The following NFATC2 variants were observed in gnomAD, a reference collection of about 807,000 sequenced individuals.
NFATC2 encodes the protein nuclear factor of activated T-cells, cytoplasmic 2.
Under a neutral mutation model 87.3 loss-of-function variants are expected in NFATC2, and 22 were observed. That is an observed-to-expected ratio of 0.25 (90% CI 0.18 to 0.36). NFATC2 has a LOEUF of 0.36. Ranked by LOEUF, NFATC2 falls within the 10% of genes least tolerant of loss-of-function variation. The pLI is 1.00. For missense variants in NFATC2, 1,149 were observed against 1,259.1 expected (o/e 0.91, Z 1.32); for synonymous variants, 565 against 542.2 (o/e 1.04, Z -0.58).
In NFATC2 at chr20:51,388,100, A is replaced by G. The variant is rs1050519938; in HGVS notation, c.*3396T>C. 2.6e-5 allele frequency: 4 copies of G among 152,162 alleles called. No individual in the cohort carries two copies. Among genetic ancestry groups the G allele is most frequent in the Non-Finnish European group, 5.9e-5 (4 of 68,024 alleles). The allele number at this position is 152,162 out of a possible 1,614,324, so 9.4% of individuals were successfully genotyped here. Reference sequence around the variant, plus strand: ...GGAAAACTGTGGGTGTCCTTTGGATAAAGCATACAGGAGTTATCTACCAGG... The same window carrying G: ...GGAAAACTGTGGGTGTCCTTTGGATGAAGCATACAGGAGTTATCTACCAGG... On this transcript the variant is annotated 3_prime_UTR_variant, in exon 11 of 11. Transcript: ENST00000371564.
chr20:51,464,704 C>T (rs1441047240), intron 5 of NFATC2, among the ~76,000 whole-genome samples: 3 of 152,196 alleles, frequency 2.0e-5, no homozygotes, highest in East Asian at 1.9e-4. Flanking sequence ...GTGCCCACAG[C>T]CCCCTGGAGG....
chr20:51,421,537 G>A (rs1483802425), intron 9 of NFATC2, among the ~76,000 whole-genome samples: 2 of 152,282 alleles, frequency 1.3e-5, no homozygotes, highest in Admixed American at 6.5e-5. Context: ...TCCACCTATC[G>A]TCGGAAGACA....
At chr20:51,409,436 T>G (rs1197403004) in intron 9 of NFATC2, among the ~76,000 whole-genome samples, 2 of 151,854 alleles carry the variant, frequency 1.3e-5, no homozygotes, top group Non-Finnish European at 2.9e-5. Context: ...AGACAATGAG[T>G]GAAATCTACA....
At chr20:51,509,965 C>A (rs920493533) in intron 3 of NFATC2, among the ~76,000 whole-genome samples, 3 of 152,206 alleles carry the variant, frequency 2.0e-5, no homozygotes, top group African/African-American at 4.8e-5. Flanking sequence ...AAATGGCCAT[C>A]GGGTTTCCGC....
At chr20:51,486,813 G>C (rs1989747491) in intron 3 of NFATC2, among the ~76,000 whole-genome samples, 2 of 152,182 alleles carry the variant, frequency 1.3e-5, no homozygotes, top group African/African-American at 2.4e-5. Context: ...CCCTACGTTT[G>C]GAGTCTGCCT....
intron 10 of NFATC2, 21 bp from the exon 11 acceptor site, chr20:51,391,472 G>GA (rs368615400): frequency 7.6e-6 from 12 of 1,586,944 alleles, no homozygotes; most frequent in Middle Eastern, 1.9e-4. Flanking sequence ...AAAGAGGAGG[G>GA]GGGGGGAGAG....
chr20:51,526,163 C>T lies in NFATC2; in HGVS notation c.131-2053G>A, dbSNP rs367879418. On this transcript the variant is annotated intron_variant, in intron 1 of 10. Coordinates refer to ENST00000371564, the MANE Select transcript of NFATC2 (RefSeq NM_012340.5). ...TTCCCTGCCATCTTTTCTCCACTGA[C>T]GCCTGCTAACAGCTCCCGTCGCACC... 1.1e-4 allele frequency among the ~76,000 whole-genome samples: 16 copies of T among 152,208 alleles called. No homozygotes were observed. The South Asian group carries it at 1.2e-3, about 12-fold the overall frequency.
At chr20:51,440,700 T>G (rs1984209030) in intron 6 of NFATC2, among the ~76,000 whole-genome samples, 1 of 152,180 alleles carries the variant, frequency 6.6e-6, no homozygotes, top group African/African-American at 2.4e-5. Flanking sequence ...ACCTGTACTT[T>G]CTCATGGAAG....
rs183945362 is a variant in NFATC2 at position 51,525,897 on chromosome 20, G to A, written c.131-1787C>T. On this transcript the variant is annotated intron_variant, in intron 1 of 10. Coordinates refer to ENST00000371564, the MANE Select transcript of NFATC2 (RefSeq NM_012340.5). ...TTAGATGGAACCTAAAGTCACTAAC[G>A]CAGCATGTGCCCCGGCCTGCCACCC... 3.3e-4 allele frequency among the ~76,000 whole-genome samples: 50 copies of A among 151,356 alleles called. 1 individual carries two copies. The highest frequency in any genetic ancestry group is 1.2e-3 in the African/African-American group (50 of 41,178).
At chr20:51,542,758 G>GGC (rs1258368514), upstream of NFATC2, 5 of 276,760 alleles carry the variant, frequency 1.8e-5, 2 homozygotes, top group African/African-American at 1.8e-4. Flanking sequence ...GCGGGGGGGG[G>GGC]GGGGGCGTGG....
intron 10 of NFATC2, 24 bp from the exon 11 acceptor site, chr20:51,391,475 GGGGA>G: frequency 6.3e-7 from 1 of 1,587,982 alleles, no homozygotes; most frequent in Non-Finnish European, 8.6e-7. Flanking sequence ...GAGGAGGGGG[GGGGA>G]GAGAGAATGG....
At chr20:51,550,384 A>G (rs1303350544) in intron 1 of NFATC2, among the ~76,000 whole-genome samples, 1 of 152,094 alleles carries the variant, frequency 6.6e-6, no homozygotes, top group Non-Finnish European at 1.5e-5. Context: ...TAAGGTCAGG[A>G]GTTCGAGACC....
chr20:51,556,051 G>T (rs560024408), intron 1 of NFATC2, among the ~76,000 whole-genome samples: 2 of 152,288 alleles, frequency 1.3e-5, no homozygotes, highest in South Asian at 4.1e-4. Flanking sequence ...CGTGAGAAGA[G>T]GAATCAACGC....
chr20:51,411,221 T>C (rs1979175477), intron 9 of NFATC2, among the ~76,000 whole-genome samples: 1 of 152,176 alleles, frequency 6.6e-6, no homozygotes, highest in African/African-American at 2.4e-5. Flanking sequence ...GGCCGAGCAA[T>C]GATTTGCATC....
intron 2 of NFATC2, among the ~76,000 whole-genome samples, chr20:51,518,453 A>T (rs1284896410): frequency 2.0e-5 from 3 of 152,160 alleles, no homozygotes; most frequent in Non-Finnish European, 2.9e-5. Flanking sequence ...CAACTTAAAC[A>T]TTTCATCCAA....
intron 3 of NFATC2, among the ~76,000 whole-genome samples, chr20:51,494,817 G>A (rs998250639): frequency 2.6e-5 from 4 of 152,110 alleles, no homozygotes; most frequent in African/African-American, 4.8e-5. Flanking sequence ...TTGAATCCCC[G>A]GTAAAACCCT....
intron 1 of NFATC2, among the ~76,000 whole-genome samples, chr20:51,537,124 G>T (rs1036716894): frequency 3.3e-5 from 5 of 151,998 alleles, no homozygotes; most frequent in Non-Finnish European, 7.4e-5. Context: ...GAGAGCAGGT[G>T]TTCCTACACT....
chr20:51,505,529 C>T (rs943658094), intron 3 of NFATC2, among the ~76,000 whole-genome samples: 1 of 151,824 alleles, frequency 6.6e-6, no homozygotes, highest in African/African-American at 2.4e-5. Flanking sequence ...TACATATACA[C>T]ATGCATACGA....
chr20:51,544,022 C>G (rs2076866122), upstream of NFATC2, among the ~76,000 whole-genome samples: 1 of 119,852 alleles, frequency 8.3e-6, no homozygotes, highest in South Asian at 2.8e-4. Flanking sequence ...GAGTCTCGCT[C>G]TGTCGCCCAG....
Sources: allele counts gnomAD v4.1 joint callset (sites outside exome capture counted in the v4.1 genomes callset), GRCh38; gene constraint gnomAD v4.1.1; transcripts MANE v1.5; gene names NCBI Gene and HGNC (gene_info 2026-07-23, HGNC 2026-07-21).